The following NADSYN1 variants were observed in gnomAD, a reference collection of about 807,000 sequenced individuals.
NADSYN1 encodes the protein glutamine-dependent NAD(+) synthetase.
In NADSYN1, 80 loss-of-function variants were observed where a neutral mutation model predicts 99.3. The ratio of observed to expected loss-of-function variants is 0.81; its 90% confidence interval spans 0.67 to 0.97. NADSYN1 has a LOEUF of 0.97. Among genes scored for constraint, NADSYN1 ranks in the 50% least tolerant of loss-of-function variants. The pLI is 0.00. For synonymous variants in NADSYN1, 385 were observed against 372.1 expected, an observed-to-expected ratio of 1.03 and a Z score of -0.40; for missense variants, 859 against 948.5, an observed-to-expected ratio of 0.91 and a Z score of 1.24.
At chr11:71,485,329 G>A (rs1177788764) in intron 15 of NADSYN1, 2 of 383,688 alleles carry the variant, frequency 5.2e-6, no homozygotes, top group Non-Finnish European at 9.4e-6. Context: ...TTGAAGGCAA[G>A]GCACCACTGA....
In NADSYN1 at chr11:71,473,413, C is replaced by G. The variant is rs1333010326; in HGVS notation, c.548+47C>G. 4 of 1,594,264 alleles carry G rather than the reference C, an allele frequency of 2.5e-6. No homozygotes were observed. The Admixed American group carries it at 6.7e-5, about 27-fold the overall frequency. ...TGTCTGATCGCCCACCTCATATGGG[C>G]CAGCTGGGAGGACCTGGGACTGCAG... On this transcript the variant is annotated intron_variant, in intron 7 of 20. Coordinates refer to ENST00000319023, the MANE Select transcript of NADSYN1 (RefSeq NM_018161.5).
At chr11:71,490,054 C>A (rs533138839) in intron 16 of NADSYN1, among the ~76,000 whole-genome samples, 1 of 152,258 alleles carries the variant, frequency 6.6e-6, no homozygotes, top group Admixed American at 6.5e-5. Flanking sequence ...TCCCTCAGTT[C>A]TGTAGGACAC....
At chr11:71,454,577 T>C (rs1591119174) in intron 1 of NADSYN1, among the ~76,000 whole-genome samples, 1 of 105,160 alleles carries the variant, frequency 9.5e-6, no homozygotes, top group Admixed American at 8.5e-5. Context: ...CAAATCTAGT[T>C]GAACTGAAGA....
At chr11:71,485,905 C>T (rs191435411) in intron 16 of NADSYN1, among the ~76,000 whole-genome samples, 5 of 152,160 alleles carry the variant, frequency 3.3e-5, no homozygotes, top group Admixed American at 6.5e-5. Flanking sequence ...ATTCATCTTC[C>T]CACCGCCCTC....
Position 71,500,916 on chromosome 11 carries a change from G to C in NADSYN1, c.2071-386G>C, listed in dbSNP as rs561036957. ...TGGGCCCTGTCATCTGGCCACCCAGGGCAGGAGAGGGAGCTGCCCCAGCTC... is the reference window on the plus strand; with the variant it reads ...TGGGCCCTGTCATCTGGCCACCCAGCGCAGGAGAGGGAGCTGCCCCAGCTC... On this transcript the variant is annotated intron_variant, in intron 20 of 20. Transcript: ENST00000319023. Among the ~76,000 whole-genome samples the C allele has an allele frequency of 3.9e-4, 60 of 152,320 alleles. 1 individual carries two copies. Among genetic ancestry groups the C allele is most frequent in the African/African-American group, 1.4e-3 (59 of 41,568 alleles).
intron 9 of NADSYN1, chr11:71,476,923 A>G: frequency 1.0e-6 from 1 of 989,828 alleles, no homozygotes. Flanking sequence ...ACACGTCTCT[A>G]GAGTTCCTGA....
At chr11:71,478,831 G>C in intron 10 of NADSYN1, 1 of 219,402 alleles carries the variant, frequency 4.6e-6, no homozygotes, top group Non-Finnish European at 9.5e-6. Flanking sequence ...CAGGCACACA[G>C]TGTGCAGCCG....
intron 2 of NADSYN1, among the ~76,000 whole-genome samples, 192 bp from the exon 3 acceptor site, chr11:71,458,236 G>A (rs982927384): frequency 2.6e-5 from 4 of 152,160 alleles, no homozygotes; most frequent in East Asian, 1.9e-4. Context: ...CGTGCTCTTC[G>A]CTTTCAGTAC....
At chr11:71,475,715 G>A (rs1211154522) in intron 9 of NADSYN1, 9 of 255,672 alleles carry the variant, frequency 3.5e-5, no homozygotes, top group South Asian at 1.7e-4. Flanking sequence ...TCTCCCTTTC[G>A]GTTGTTTGTT....
rs1286574333 is a variant in NADSYN1 at position 71,480,758 on chromosome 11, A to T, written c.877A>T (p.Ser293Cys). ...AEISSRNLAA[S>C]RASPYPRVKV... ...TGTCTTGAATCTCCATTGCCAGGCC[A>T]GCAGGGCGAGCCCCTACCCCAGAGT... Residue 293 changes from serine to cysteine, a missense_variant, in exon 11 of 21, where the codon AGC becomes TGC. Ser to Cys is a moderately radical substitution (Grantham distance 112). Coordinates refer to ENST00000319023, the MANE Select transcript of NADSYN1 (RefSeq NM_018161.5). 3.4e-5 allele frequency: 55 copies of T among 1,614,104 alleles called. No homozygotes were observed. Among genetic ancestry groups the T allele is most frequent in the Non-Finnish European group, 4.7e-5 (55 of 1,180,020 alleles).
At chr11:71,483,267 C>A (rs1949721050) in intron 14 of NADSYN1, among the ~76,000 whole-genome samples, 1 of 152,168 alleles carries the variant, frequency 6.6e-6, no homozygotes, top group Non-Finnish European at 1.5e-5. Context: ...TATCAGGGCT[C>A]CACTTTCTCT....
rs369491751 is a variant in NADSYN1, at chr11:71,481,341, C to A, written c.999-15C>A. On this transcript the variant is annotated splice_polypyrimidine_tract_variant and intron_variant, in intron 11 of 20. Transcript: ENST00000319023. ...GGCCACCGCCTCCGGGCTCCATGTT[C>A]TGATTGCCCTGCAGCCTTGGACCTG... 6.4e-5 allele frequency: 104 copies of A among 1,613,690 alleles called. No individual in the cohort carries two copies. Among genetic ancestry groups the A allele is most frequent in the Admixed American group, 3.3e-5 (2 of 59,992 alleles).
At chr11:71,463,016 G>C (rs959698128) in intron 3 of NADSYN1, among the ~76,000 whole-genome samples, 1 of 152,194 alleles carries the variant, frequency 6.6e-6, no homozygotes, top group Admixed American at 6.5e-5. Flanking sequence ...GCAGCAAATG[G>C]AGGGGTTCCA....
intron 5 of NADSYN1, among the ~76,000 whole-genome samples, 190 bp from the exon 6 acceptor site, chr11:71,472,259 T>C (rs1411574227): frequency 6.6e-6 from 1 of 152,214 alleles, no homozygotes; most frequent in East Asian, 1.9e-4. Flanking sequence ...CATAGTCTCC[T>C]CAAGCCACCT....
At chr11:71,492,042 G>A (rs1477897086) in intron 18 of NADSYN1, 139 bp downstream of exon 18, 5 of 720,558 alleles carry the variant, frequency 6.9e-6, no homozygotes, top group South Asian at 1.9e-5. Context: ...GGTGCCCAGG[G>A]CTCAGTGTCA....
chr11:71,491,438 A>G (rs1949778409), intron 17 of NADSYN1, among the ~76,000 whole-genome samples: 2 of 29,982 alleles, frequency 6.7e-5, no homozygotes, highest in Non-Finnish European at 3.3e-4. Flanking sequence ...GTCTGCAGAC[A>G]TGCTTAGCTT....
In NADSYN1 at chr11:71,501,492, A is replaced by G. The variant is rs767989361; in HGVS notation, c.*140A>G. The G allele has an allele frequency of 1.3e-5, 9 of 710,488 alleles. No homozygotes were observed. Among genetic ancestry groups the G allele is most frequent in the Non-Finnish European group, 1.8e-5 (8 of 438,818 alleles). The allele number at this position is 710,488 out of a possible 1,614,324, so 44.0% of individuals were successfully genotyped here. A position where few individuals can be genotyped will look rare whatever the true frequency, so the allele number is the denominator to read the frequency against. Reference sequence around the variant, plus strand: ...TCAGCCGAGAGGGAGGGAACTTTTCAGTCAAATTCCTCAAAAAGAGGCTGG... The same window carrying G: ...TCAGCCGAGAGGGAGGGAACTTTTCGGTCAAATTCCTCAAAAAGAGGCTGG... On this transcript the variant is annotated 3_prime_UTR_variant, in exon 21 of 21. Coordinates refer to ENST00000319023, the MANE Select transcript of NADSYN1 (RefSeq NM_018161.5).
At chr11:71,481,457 T>C in intron 12 of NADSYN1, 53 bp downstream of exon 12, 2 of 1,572,204 alleles carry the variant, frequency 1.3e-6, no homozygotes, top group Non-Finnish European at 1.8e-6. Flanking sequence ...CTGGTTGGTC[T>C]GGTTTTATTC....
chr11:71,454,763 C>T (rs1179838858), intron 1 of NADSYN1, among the ~76,000 whole-genome samples: 1 of 152,208 alleles, frequency 6.6e-6, no homozygotes. Context: ...TGTTAATAAA[C>T]TACCAGGGTC....
Sources: gnomAD v4.1 joint callset for allele counts (sites outside exome capture counted in the v4.1 genomes callset) on GRCh38, gnomAD v4.1.1 for gene constraint, MANE v1.5 for transcripts, NCBI Gene and HGNC (gene_info 2026-07-23, HGNC 2026-07-21) for gene names.